Variants in PPARGC1A observed in about 807,000 individuals in gnomAD.
PPARGC1A encodes the protein peroxisome proliferator-activated receptor gamma coactivator 1-alpha.
In PPARGC1A, 25 loss-of-function variants were observed where a neutral mutation model predicts 88.7. The ratio of observed to expected loss-of-function variants is 0.28; its 90% CI spans 0.21 to 0.39. PPARGC1A has a LOEUF of 0.39. PPARGC1A is among the 10% of genes least tolerant of loss of function. The pLI is 1.00. For missense variants in PPARGC1A, 880 were observed against 968.7 expected, an observed-to-expected ratio of 0.91 and a Z score of 1.22; for synonymous variants, 363 against 355.6, an observed-to-expected ratio of 1.02 and a Z score of -0.24.
At chr4:24,391,182 G>T in the PPARGC1A span, among the ~76,000 whole-genome samples, 2 of 152,084 alleles carry the variant, frequency 1.3e-5, no homozygotes, top group Non-Finnish European at 1.5e-5. Flanking sequence ...TCATTTTGTA[G>T]TTTTATATAC....
At chr4:24,041,858 T>C in the PPARGC1A span, among the ~76,000 whole-genome samples, 1 of 151,424 alleles carries the variant, frequency 6.6e-6, no homozygotes, top group Non-Finnish European at 1.5e-5. Flanking sequence ...CTTTAAAGAG[T>C]CCTACTTTCA....
At chr4:24,227,519 G>C in the PPARGC1A span, among the ~76,000 whole-genome samples, 4 of 152,160 alleles carry the variant, frequency 2.6e-5, no homozygotes, top group Admixed American at 1.3e-4. Flanking sequence ...CAGGTGGTCA[G>C]AAATTAAATA....
the PPARGC1A span, among the ~76,000 whole-genome samples, chr4:24,128,548 G>GTGTGTC: frequency 1.1e-4 from 16 of 147,916 alleles, no homozygotes; most frequent in African/African-American, 4.1e-4. Flanking sequence ...GTGTGTGTGT[G>GTGTGTC]TGTGTGTGTG....
chr4:24,207,111 A>G, the PPARGC1A span, among the ~76,000 whole-genome samples: 6 of 152,074 alleles, frequency 3.9e-5, no homozygotes, highest in African/African-American at 1.2e-4. Context: ...GTAATTATAC[A>G]TAATTTAACA....
upstream of PPARGC1A, chr4:23,890,132 C>T: frequency 7.7e-7 from 1 of 1,306,366 alleles, no homozygotes; most frequent in Non-Finnish European, 9.8e-7. Flanking sequence ...TGTCACTCAC[C>T]CAGCCTCCCT....
At chr4:24,096,187 C>T in the PPARGC1A span, among the ~76,000 whole-genome samples, 7 of 152,150 alleles carry the variant, frequency 4.6e-5, no homozygotes, top group African/African-American at 1.2e-4. Flanking sequence ...CGCCACCATG[C>T]GAAGAAGGCG....
chr4:24,453,210 C>T, the PPARGC1A span, among the ~76,000 whole-genome samples: 1 of 152,178 alleles, frequency 6.6e-6, no homozygotes, highest in Non-Finnish European at 1.5e-5. Context: ...ACCAAATCTG[C>T]CAACACCTTG....
the PPARGC1A span, among the ~76,000 whole-genome samples, chr4:24,446,841 C>G: frequency 6.6e-5 from 10 of 152,100 alleles, no homozygotes; most frequent in Non-Finnish European, 1.3e-4. Flanking sequence ...CTCAGGTGAT[C>G]CACCCGCCTC....
At chr4:24,182,854 A>G in the PPARGC1A span, among the ~76,000 whole-genome samples, 4 of 152,336 alleles carry the variant, frequency 2.6e-5, no homozygotes, top group African/African-American at 9.6e-5. Context: ...GCAAAACAAG[A>G]GAACCAAGTC....
the PPARGC1A span, among the ~76,000 whole-genome samples, chr4:24,037,860 A>T: frequency 6.6e-6 from 1 of 152,206 alleles, no homozygotes; most frequent in Non-Finnish European, 1.5e-5. Flanking sequence ...TAAAAAGCAG[A>T]AACCACAGCT....
the PPARGC1A span, among the ~76,000 whole-genome samples, chr4:24,224,606 G>A: frequency 5.3e-5 from 8 of 152,166 alleles, no homozygotes; most frequent in Non-Finnish European, 1.0e-4. Context: ...GTCTAGACAA[G>A]GTAAAGAAAG....
chr4:24,028,734 T>A, the PPARGC1A span, among the ~76,000 whole-genome samples: 1 of 152,178 alleles, frequency 6.6e-6, no homozygotes, highest in Non-Finnish European at 1.5e-5. Flanking sequence ...AATGACTGCA[T>A]GTAAGTTTCT....
At chr4:24,084,171 C>T in the PPARGC1A span, among the ~76,000 whole-genome samples, 164 of 152,312 alleles carry the variant, frequency 1.1e-3, no homozygotes, top group Non-Finnish European at 2.1e-3. Context: ...GTATGTGGAG[C>T]TCACTAAATG....
the PPARGC1A span, among the ~76,000 whole-genome samples, chr4:24,266,115 C>CG: frequency 6.6e-6 from 1 of 152,086 alleles, no homozygotes; most frequent in Non-Finnish European, 1.5e-5. Flanking sequence ...CGAGAGATGC[C>CG]GGAGTTATTT....
At chr4:24,045,259 A>G in the PPARGC1A span, among the ~76,000 whole-genome samples, 1 of 152,188 alleles carries the variant, frequency 6.6e-6, no homozygotes, top group African/African-American at 2.4e-5. Flanking sequence ...TAATATTGTA[A>G]TATAAATATA....
At chr4:24,089,480 TTTTTCTTTTC>T in the PPARGC1A span, among the ~76,000 whole-genome samples, 84 of 128,800 alleles carry the variant, frequency 6.5e-4, no homozygotes, top group Middle Eastern at 4.0e-3. Flanking sequence ...CTAGGATGCC[TTTTTCTTTTC>T]TTTTCTTTTC....
At chr4:23,908,139 G>A (rs1720288890), upstream of PPARGC1A, among the ~76,000 whole-genome samples, 1 of 152,184 alleles carries the variant, frequency 6.6e-6, no homozygotes, top group Non-Finnish European at 1.5e-5. Flanking sequence ...AGTGCACATT[G>A]CCACCAAGTG....
the PPARGC1A span, among the ~76,000 whole-genome samples, chr4:24,198,997 A>T: frequency 6.6e-6 from 1 of 152,152 alleles, no homozygotes; most frequent in East Asian, 1.9e-4. Flanking sequence ...ATAAGGCAGG[A>T]CAGATCAGCA....
At chr4:24,033,414 C>G in the PPARGC1A span, among the ~76,000 whole-genome samples, 4 of 136,458 alleles carry the variant, frequency 2.9e-5, no homozygotes, top group Admixed American at 1.4e-4. Context: ...CAGACAGACA[C>G]ACACACACAC....
Sources: allele counts gnomAD v4.1 joint callset (sites outside exome capture counted in the v4.1 genomes callset), GRCh38; gene constraint gnomAD v4.1.1; transcripts MANE v1.5; gene names NCBI Gene and HGNC (gene_info 2026-07-23, HGNC 2026-07-21).